JAKMIP3: variants seen among roughly 807,000 people sequenced by gnomAD.
The protein encoded by JAKMIP3 is janus kinase and microtubule-interacting protein 3.
In JAKMIP3, 58 loss-of-function variants were observed where a neutral mutation model predicts 118.5. The ratio of observed to expected loss-of-function variants is 0.49; its 90% CI spans 0.40 to 0.61. JAKMIP3 has a LOEUF of 0.61. Ranked by LOEUF, JAKMIP3 falls within the 20% of genes least tolerant of loss-of-function variation. The probability of loss-of-function intolerance (pLI) is 0.00; values close to 1 mark genes in which losing one functional copy is unlikely to be tolerated. For missense variants in JAKMIP3, 950 were observed against 1,109.0 expected, an observed-to-expected ratio of 0.86 and a Z score of 2.04; for synonymous variants, 486 against 451.2, an observed-to-expected ratio of 1.08 and a Z score of -0.98.
At chr10:132,133,629 C>T (rs2051103991) in intron 4 of JAKMIP3, 102 bp downstream of exon 4, 1 of 1,117,988 alleles carries the variant, frequency 8.9e-7, no homozygotes, top group Non-Finnish European at 1.3e-6. Flanking sequence ...AGACCAGAGC[C>T]CGAGTTGAGG....
chr10:132,173,701 GTGGTATGTT>G (rs2059852038), intron 23 of JAKMIP3, among the ~76,000 whole-genome samples: 1 of 130,036 alleles, frequency 7.7e-6, no homozygotes, highest in Non-Finnish European at 1.8e-5. Context: ...GTGGTGGCCT[GTGGTATGTT>G]CATGGTGGTG....
In JAKMIP3 at chr10:132,133,536, C is replaced by G; in HGVS notation, c.849+9C>G. The stretch of plus-strand genomic sequence containing the variant: ...ACCACTCGGGAAGCCCTGTAAGCAC[C>G]TCCCAGGCCCACCGGCCCACCCCGT... On this transcript the variant is annotated intron_variant, in intron 4 of 23. Coordinates refer to ENST00000684848, the MANE Select transcript of JAKMIP3 (RefSeq NM_001323087.2). The G allele has an allele frequency of 6.4e-7, 1 of 1,554,166 alleles. No individual in the cohort carries two copies. Among genetic ancestry groups the G allele is most frequent in the African/African-American group, 1.4e-5 (1 of 73,260 alleles).
chr10:132,159,417 G>T (rs1247292910), intron 19 of JAKMIP3, among the ~76,000 whole-genome samples: 1 of 93,080 alleles, frequency 1.1e-5, no homozygotes, highest in Non-Finnish European at 2.1e-5. Context: ...GCCTATTCCT[G>T]TGGATGCCGG....
intron 5 of JAKMIP3, 146 bp from the exon 6 acceptor site, chr10:132,135,784 C>T (rs2051644933): frequency 8.3e-6 from 7 of 843,710 alleles, no homozygotes; most frequent in Non-Finnish European, 1.1e-5. Context: ...GGCCAGTGGG[C>T]ACCACTTGGA....
chr10:132,172,496 TG>T (rs1161822362), intron 23 of JAKMIP3, among the ~76,000 whole-genome samples: 1 of 152,094 alleles, frequency 6.6e-6, no homozygotes, highest in Non-Finnish European at 1.5e-5. Flanking sequence ...TGTCTTCCTG[TG>T]GGGACGTGCT....
intron 21 of JAKMIP3, among the ~76,000 whole-genome samples, chr10:132,166,251 G>A (rs7924269): frequency 0.41 from 62,114 of 151,994 alleles, 14,709 homozygotes; most frequent in Admixed American, 0.54. Context: ...ACCTGAGCCT[G>A]GGAGGTTGAG....
chr10:132,158,150 G>A (rs1048341706), intron 19 of JAKMIP3, among the ~76,000 whole-genome samples: 1 of 130,768 alleles, frequency 7.6e-6, no homozygotes, highest in Non-Finnish European at 1.6e-5. Context: ...CCACCCTAAC[G>A]TCACAGATAA....
intron 4 of JAKMIP3, among the ~76,000 whole-genome samples, chr10:132,133,780 G>A (rs892298589): frequency 4.6e-5 from 7 of 152,158 alleles, no homozygotes; most frequent in South Asian, 2.1e-4. Flanking sequence ...TCACCCTCCC[G>A]TGGGCCCCGG....
intron 11 of JAKMIP3, chr10:132,143,821 C>T (rs913677255): frequency 6.6e-6 from 1 of 152,228 alleles, no homozygotes; most frequent in African/African-American, 2.4e-5. Flanking sequence ...GCAGGGGGCC[C>T]ACAGCCCTCT....
chr10:132,135,004 G>A (rs200195697), intron 4 of JAKMIP3, 37 bp from the exon 5 acceptor site: 13 of 1,606,628 alleles, frequency 8.1e-6, no homozygotes, highest in Admixed American at 5.0e-5. Flanking sequence ...CAGGCTTGTG[G>A]GTAGGAACCG....
chr10:132,107,245 G>A (rs1164787086), intron 2 of JAKMIP3, among the ~76,000 whole-genome samples: 2 of 152,192 alleles, frequency 1.3e-5, no homozygotes, highest in Non-Finnish European at 2.9e-5. Context: ...CCCAGGTTTA[G>A]TCCCCAGTTC....
rs1166995465 is a variant in JAKMIP3, at chr10:132,184,473, T to C, written c.*3220T>C. 6 of 152,378 alleles carry C rather than the reference T, an allele frequency of 3.9e-5. No individual in the cohort carries two copies. The highest frequency in any genetic ancestry group is 6.5e-5 in the Admixed American group (1 of 15,314). The allele number at this position is 152,378 out of a possible 1,614,324, so 9.4% of individuals were successfully genotyped here. A position where few individuals can be genotyped will look rare whatever the true frequency, so the allele number is the denominator to read the frequency against. ...TCAGTTTAGCCTCAGGAAACTCATA[T>C]TGTGAATATAGGTATCAAATCATAT... On this transcript the variant is annotated 3_prime_UTR_variant, in exon 24 of 24. Transcript: ENST00000684848.
At chr10:132,180,652 C>CGTGCAT (rs2060965423) in intron 23 of JAKMIP3, among the ~76,000 whole-genome samples, 1 of 8,668 alleles carries the variant, frequency 1.2e-4, no homozygotes, top group Non-Finnish European at 2.0e-4. Context: ...TGTGCGTGTG[C>CGTGCAT]GTGTGCGTGT....
At chr10:132,176,711 A>G (rs1260183576) in intron 23 of JAKMIP3, among the ~76,000 whole-genome samples, 1 of 152,116 alleles carries the variant, frequency 6.6e-6, no homozygotes, top group African/African-American at 2.4e-5. Flanking sequence ...ATCACTCTGC[A>G]GGGATTCAGC....
rs1368716235 is a variant in JAKMIP3 at position 132,180,680 on chromosome 10, CGCGTGTGTGTGCGTGCGT to C, written c.*1104-1675_*1104-1658del. ...GTGCGTGTGTGCGTGTGTGTGCGCG[CGCGTGTGTGTGCGTGCGT>C]GTGTGTGTGCGCGTGTGTGTGCGTG... is the stretch of plus-strand genomic sequence containing the variant. On this transcript the variant is annotated intron_variant, in intron 23 of 23. Coordinates refer to ENST00000684848, the MANE Select transcript of JAKMIP3 (RefSeq NM_001323087.2). Among the ~76,000 whole-genome samples, 26 of 5,944 alleles carry C rather than the reference CGCGTGTGTGTGCGTGCGT, an allele frequency of 4.4e-3. 10 individuals carry two copies. Among genetic ancestry groups the C allele is most frequent in the Non-Finnish European group, 7.6e-3 (23 of 3,022 alleles). The allele number at this position is 5,944 out of a possible 152,430, so 3.9% of individuals were successfully genotyped here.
At chr10:132,176,306 A>C (rs1417130632) in intron 23 of JAKMIP3, among the ~76,000 whole-genome samples, 1 of 152,204 alleles carries the variant, frequency 6.6e-6, no homozygotes, top group East Asian at 1.9e-4. Flanking sequence ...TGGCAGAACC[A>C]GCGGGAGGGT....
rs1329957224 is a variant in JAKMIP3 at position 132,118,588 on chromosome 10, G to A, written c.633+1014G>A. 3.9e-5 allele frequency among the ~76,000 whole-genome samples: 6 copies of A among 152,332 alleles called. 1 individual carries two copies. Among genetic ancestry groups the A allele is most frequent in the African/African-American group, 1.2e-4 (5 of 41,586 alleles). Reference sequence around the variant, plus strand: ...CAGCATGTGGAACTCCCAGAGAGGGGCAGCCGCTCTCCACACCCACAGCCA... The same window carrying A: ...CAGCATGTGGAACTCCCAGAGAGGGACAGCCGCTCTCCACACCCACAGCCA... On this transcript the variant is annotated intron_variant, in intron 3 of 23. Coordinates refer to ENST00000684848, the MANE Select transcript of JAKMIP3 (RefSeq NM_001323087.2). The surrounding 1 kb of genome is among the most constrained non-coding windows in gnomAD (Gnocchi z 4.8).
At chr10:132,100,743 A>C (rs775819612) in intron 1 of JAKMIP3, among the ~76,000 whole-genome samples, 28 of 152,040 alleles carry the variant, frequency 1.8e-4, no homozygotes, top group Non-Finnish European at 3.2e-4. Flanking sequence ...ACATCATTTC[A>C]TTTTAGGATG....
intron 8 of JAKMIP3, among the ~76,000 whole-genome samples, chr10:132,137,679 T>C (rs2052108204): frequency 6.6e-6 from 1 of 152,204 alleles, no homozygotes; most frequent in Admixed American, 6.5e-5. Context: ...AACCACAGCA[T>C]GGGTTCCCCG....
Sources: allele counts gnomAD v4.1 joint callset (sites outside exome capture counted in the v4.1 genomes callset), GRCh38; gene constraint gnomAD v4.1.1; non-coding constraint Gnocchi (gnomAD v3.1); transcripts MANE v1.5; gene names NCBI Gene and HGNC (gene_info 2026-07-23, HGNC 2026-07-21).